Variants in COL21A1 observed in about 807,000 individuals in gnomAD.
The protein encoded by COL21A1 is collagen alpha-1(XXI) chain.
In COL21A1, 149 loss-of-function variants were observed where a neutral mutation model predicts 137.9. The ratio of observed to expected loss-of-function variants is 1.08; its 90% CI spans 0.95 to 1.24. The LOEUF is 1.24. Among genes scored for constraint, COL21A1 ranks in the 50% most tolerant of loss-of-function variants. The pLI, the probability that COL21A1 is intolerant of heterozygous loss-of-function variation, is 0.00. For missense variants in COL21A1, 1,167 were observed against 1,158.4 expected, an observed-to-expected ratio of 1.01 and a Z score of -0.11; for synonymous variants, 456 against 391.5, an observed-to-expected ratio of 1.16 and a Z score of -1.95.
intron 29 of COL21A1, 120 bp downstream of exon 29, chr6:56,059,045 T>C: frequency 1.4e-6 from 1 of 739,340 alleles, no homozygotes; most frequent in Non-Finnish European, 2.3e-6. Flanking sequence ...GTGTGTTAAA[T>C]GTGAATCACT....
intron 1 of COL21A1, among the ~76,000 whole-genome samples, chr6:56,320,598 T>C (rs1165094263): frequency 5.3e-5 from 8 of 151,918 alleles, no homozygotes; most frequent in Admixed American, 5.3e-4. Flanking sequence ...ACTCCAGCTA[T>C]ACAGCCTTCT....
intron 1 of COL21A1, among the ~76,000 whole-genome samples, chr6:56,219,627 A>G (rs907111025): frequency 1.3e-5 from 2 of 152,188 alleles, no homozygotes; most frequent in Admixed American, 6.6e-5. Flanking sequence ...AAAAAATTGC[A>G]ATAAAGCATC....
intron 1 of COL21A1, among the ~76,000 whole-genome samples, chr6:56,190,523 T>C (rs1778594607): frequency 6.6e-6 from 1 of 152,168 alleles, no homozygotes; most frequent in African/African-American, 2.4e-5. Flanking sequence ...AAAGAGGAGC[T>C]GGTATCATTC....
At chr6:56,323,382 G>A (rs1462169624) in intron 1 of COL21A1, among the ~76,000 whole-genome samples, 1 of 151,820 alleles carries the variant, frequency 6.6e-6, no homozygotes, top group Non-Finnish European at 1.5e-5. Context: ...TTCAAATGAT[G>A]TTTTGTTTGT....
At chr6:56,071,985 C>A (rs185625443) in intron 20 of COL21A1, among the ~76,000 whole-genome samples, 1 of 151,390 alleles carries the variant, frequency 6.6e-6, no homozygotes, top group Non-Finnish European at 1.5e-5. Context: ...CCCTCCCCTA[C>A]TAACAGGCCC....
Position 56,097,894 on chromosome 6 carries a change from A to T in COL21A1, c.1812+3578T>A, listed in dbSNP as rs1324909266. On this transcript the variant is annotated intron_variant, in intron 17 of 29. Transcript: ENST00000244728. The stretch of plus-strand genomic sequence containing the variant: ...ATCTATAAATATATAAATATATATA[A>T]ATATATAAATATATAAATATATATA... Among the ~76,000 whole-genome samples, 3 of 88,866 alleles carry T rather than the reference A, an allele frequency of 3.4e-5. 1 individual carries two copies. The highest frequency in any genetic ancestry group is 1.3e-4 in the African/African-American group (3 of 22,594). The allele number at this position is 88,866 out of a possible 152,430, so 58.3% of individuals were successfully genotyped here. A position where few individuals can be genotyped will look rare whatever the true frequency, so the allele number is the denominator to read the frequency against.
intron 17 of COL21A1, among the ~76,000 whole-genome samples, chr6:56,097,028 G>C (rs917672788): frequency 2.0e-5 from 3 of 151,742 alleles, no homozygotes; most frequent in Admixed American, 2.0e-4. Context: ...AAAAAAAATA[G>C]CTTGTTACGC....
At chr6:56,189,800 G>A (rs1778539599) in intron 1 of COL21A1, among the ~76,000 whole-genome samples, 2 of 152,344 alleles carry the variant, frequency 1.3e-5, no homozygotes, top group South Asian at 2.1e-4. Context: ...CCAGAAGAGA[G>A]TGGGGGCCAA....
chr6:56,224,224 A>C (rs559641706), intron 1 of COL21A1, among the ~76,000 whole-genome samples: 72 of 152,248 alleles, frequency 4.7e-4, no homozygotes, highest in Non-Finnish European at 9.3e-4. Context: ...TGTGAGTAAT[A>C]AAGTCTTTTG....
chr6:56,103,942 C>T lies in COL21A1; in HGVS notation c.1759-2417G>A, dbSNP rs190734480. Among the ~76,000 whole-genome samples, 20 of 152,272 alleles carry T rather than the reference C, an allele frequency of 1.3e-4. 1 individual carries two copies. Among genetic ancestry groups the T allele is most frequent in the African/African-American group, 4.8e-4 (20 of 41,574 alleles). On this transcript the variant is annotated intron_variant, in intron 16 of 29. Coordinates refer to ENST00000244728, the MANE Select transcript of COL21A1 (RefSeq NM_030820.4). ...GTCTTGGACAACACTTTGAGAAACACTACTCTAGCCCAGATCTCAAAACAG... is the reference window on the plus strand; with the variant it reads ...GTCTTGGACAACACTTTGAGAAACATTACTCTAGCCCAGATCTCAAAACAG...
intron 16 of COL21A1, among the ~76,000 whole-genome samples, chr6:56,114,625 A>C (rs74389857): frequency 0.015 from 1,638 of 106,206 alleles, no homozygotes; most frequent in Admixed American, 0.018. Flanking sequence ...ACAATGAGAT[A>C]CCATCTCACA....
intron 3 of COL21A1, among the ~76,000 whole-genome samples, chr6:56,177,105 A>C (rs1777542386): frequency 7.0e-6 from 1 of 143,834 alleles, no homozygotes; most frequent in African/African-American, 2.9e-5. Context: ...TAGTAGTAGA[A>C]GTAGTAGTAG....
intron 1 of COL21A1, among the ~76,000 whole-genome samples, chr6:56,187,314 C>A (rs1778366086): frequency 6.6e-6 from 1 of 152,134 alleles, no homozygotes; most frequent in Admixed American, 6.5e-5. Flanking sequence ...ATGTATCTAA[C>A]GGTGAGAACA....
chr6:56,326,930 T>C (rs540322304), intron 1 of COL21A1, among the ~76,000 whole-genome samples: 14 of 152,124 alleles, frequency 9.2e-5, no homozygotes, highest in African/African-American at 2.6e-4. Context: ...CTGGACTCAA[T>C]GAAAGGGAAA....
chr6:56,274,558 A>C (rs144335180), intron 1 of COL21A1, among the ~76,000 whole-genome samples: 89 of 152,342 alleles, frequency 5.8e-4, no homozygotes, highest in Non-Finnish European at 9.6e-4. Context: ...TAGCATTTCT[A>C]TACACCAATT....
At chr6:56,229,725 T>C (rs1781428032) in intron 1 of COL21A1, among the ~76,000 whole-genome samples, 1 of 151,916 alleles carries the variant, frequency 6.6e-6, no homozygotes, top group Non-Finnish European at 1.5e-5. Context: ...TGAAAATAAA[T>C]GTTCCAGTGC....
At chr6:56,354,668 G>C (rs976391488) in intron 1 of COL21A1, among the ~76,000 whole-genome samples, 6 of 152,150 alleles carry the variant, frequency 3.9e-5, no homozygotes, top group Admixed American at 1.3e-4. Flanking sequence ...GACTACTTGA[G>C]TCCAGGAGTT....
intron 1 of COL21A1, among the ~76,000 whole-genome samples, chr6:56,202,982 T>C (rs1779512172): frequency 6.6e-6 from 1 of 152,226 alleles, no homozygotes; most frequent in Non-Finnish European, 1.5e-5. Flanking sequence ...TGCTTATAAA[T>C]GCAGCCTTTT....
At chr6:56,262,620 T>C (rs936281538) in intron 1 of COL21A1, among the ~76,000 whole-genome samples, 2 of 152,118 alleles carry the variant, frequency 1.3e-5, no homozygotes, top group Non-Finnish European at 2.9e-5. Context: ...AAAGTTATAC[T>C]AGAATATAAA....
Sources: gnomAD v4.1 joint callset for allele counts (sites outside exome capture counted in the v4.1 genomes callset) on GRCh38, gnomAD v4.1.1 for gene constraint, MANE v1.5 for transcripts, NCBI Gene and HGNC (gene_info 2026-07-23, HGNC 2026-07-21) for gene names.